Variants in AXDND1 observed in about 807,000 individuals in gnomAD.
The protein encoded by AXDND1 is axonemal dynein light chain domain-containing protein 1.
In AXDND1, 110 loss-of-function variants were observed where a neutral mutation model predicts 137.5. That is an observed-to-expected ratio of 0.80 (90% CI 0.69 to 0.94). The LOEUF (loss-of-function observed/expected upper bound fraction) is 0.94, where lower values mean the gene tolerates loss of function less well. AXDND1 is among the 40% of genes least tolerant of loss of function. The pLI is 0.00. For missense variants in AXDND1, 1,191 were observed against 1,169.8 expected, an observed-to-expected ratio of 1.02 and a Z score of -0.26; for synonymous variants, 414 against 399.7, an observed-to-expected ratio of 1.04 and a Z score of -0.43.
chr1:179,371,826 A>G (rs141656415), intron 4 of AXDND1, among the ~76,000 whole-genome samples: 50 of 152,340 alleles, frequency 3.3e-4, no homozygotes, highest in Middle Eastern at 6.8e-3. Flanking sequence ...TTTGGCTACT[A>G]GAAGTTAGGA....
intron 12 of AXDND1, among the ~76,000 whole-genome samples, chr1:179,413,481 A>G (rs966015168): frequency 5.3e-5 from 8 of 152,220 alleles, no homozygotes; most frequent in Non-Finnish European, 1.2e-4. Context: ...TCCCACTTAC[A>G]AGTGAGAACA....
At chr1:179,543,718 G>T (rs1255293839) in intron 25 of AXDND1, 2 of 152,112 alleles carry the variant, frequency 1.3e-5, no homozygotes, top group African/African-American at 4.8e-5. Context: ...CCTGCCCCAG[G>T]ACCCAGAACT....
chr1:179,516,287 A>C (rs1033104806), intron 21 of AXDND1, among the ~76,000 whole-genome samples: 2 of 152,066 alleles, frequency 1.3e-5, no homozygotes, highest in Non-Finnish European at 2.9e-5. Flanking sequence ...AAGTGTGCCC[A>C]ATTTCCCTGA....
intron 12 of AXDND1, among the ~76,000 whole-genome samples, chr1:179,415,528 G>A (rs138799133): frequency 5.3e-4 from 80 of 152,226 alleles, no homozygotes; most frequent in African/African-American, 1.7e-3. Context: ...CAATTAAAGT[G>A]TACAATTATA....
At chr1:179,489,015 G>C (rs2125568605) in intron 18 of AXDND1, among the ~76,000 whole-genome samples, 1 of 147,574 alleles carries the variant, frequency 6.8e-6, no homozygotes, top group Non-Finnish European at 1.5e-5. Flanking sequence ...TTACAGGTGT[G>C]AGCTACCACA....
chr1:179,501,862 T>G (rs1042908250), intron 20 of AXDND1, among the ~76,000 whole-genome samples: 1 of 152,116 alleles, frequency 6.6e-6, no homozygotes, highest in Non-Finnish European at 1.5e-5. Flanking sequence ...ATTATAAAGC[T>G]TTTAGAAGAC....
In AXDND1 at chr1:179,411,227, AGATATC is replaced by A; in HGVS notation, c.1192_1197del (p.Asp398_Ile399del). 1 of 1,613,244 alleles carries A rather than the reference AGATATC, an allele frequency of 6.2e-7. No homozygotes were observed. The highest frequency in any genetic ancestry group is 1.1e-5 in the South Asian group (1 of 90,892). ...ATATGAAAAAGTTAGTGGCAGAAAGAGATATCTGGAGCTCAGCCACATATGAATTGG... is the reference window on the plus strand; with the variant it reads ...ATATGAAAAAGTTAGTGGCAGAAAGATGGAGCTCAGCCACATATGAATTGG... On this transcript the variant is annotated inframe_deletion, in exon 12 of 26. Transcript: ENST00000367618.
At chr1:179,530,273 C>T (rs1478622488) in intron 23 of AXDND1, among the ~76,000 whole-genome samples, 2 of 152,174 alleles carry the variant, frequency 1.3e-5, no homozygotes, top group Non-Finnish European at 2.9e-5. Context: ...TCATGATCCG[C>T]CTGCTTCGGC....
chr1:179,515,170 T>G (rs1264018915), intron 21 of AXDND1, among the ~76,000 whole-genome samples: 1 of 152,186 alleles, frequency 6.6e-6, no homozygotes, highest in Non-Finnish European at 1.5e-5. Flanking sequence ...TTTTTTTGTT[T>G]TATAAGTCCT....
At chr1:179,475,076 A>T (rs1664442373) in intron 17 of AXDND1, among the ~76,000 whole-genome samples, 1 of 152,208 alleles carries the variant, frequency 6.6e-6, no homozygotes, top group Non-Finnish European at 1.5e-5. Flanking sequence ...TCAAGAATTG[A>T]GGTTTGGGAA....
At chr1:179,514,168 C>T (rs140418218) in intron 21 of AXDND1, among the ~76,000 whole-genome samples, 117 of 152,034 alleles carry the variant, frequency 7.7e-4, no homozygotes, top group South Asian at 1.2e-3. Context: ...CTTAGAATGT[C>T]GGTTTGTATT....
chr1:179,447,624 A>C, intron 16 of AXDND1: 1 of 1,254,360 alleles, frequency 8.0e-7, no homozygotes, highest in South Asian at 1.4e-5. Context: ...CCTTGCTTGA[A>C]GCGGGGATGA....
intron 20 of AXDND1, among the ~76,000 whole-genome samples, chr1:179,501,692 A>G (rs577549539): frequency 1.3e-5 from 2 of 152,310 alleles, no homozygotes; most frequent in African/African-American, 4.8e-5. Flanking sequence ...CCTGGGCGAC[A>G]GAGTGAGACT....
chr1:179,429,989 A>G (rs1056465775), intron 13 of AXDND1, among the ~76,000 whole-genome samples: 3 of 150,028 alleles, frequency 2.0e-5, no homozygotes, highest in Admixed American at 1.3e-4. Context: ...GCATGTTTCT[A>G]CTGAGTCAAA....
intron 15 of AXDND1, among the ~76,000 whole-genome samples, chr1:179,442,621 C>G (rs1164521208): frequency 1.3e-5 from 2 of 152,072 alleles, no homozygotes; most frequent in Admixed American, 1.3e-4. Context: ...TCCATGTTAC[C>G]CTGATTCAGA....
At position 179,476,470 on chromosome 1, in the gene AXDND1, A is replaced by G. The variant is rs555087957; in HGVS notation, c.1998-6658A>G. On this transcript the variant is annotated intron_variant, in intron 17 of 25. Transcript: ENST00000367618. The stretch of plus-strand genomic sequence containing the variant: ...TGCCTTGTTTTTTGTGTAGATTCTA[A>G]TTACCATCTGTGGTCATTGCTTTCA... Among the ~76,000 whole-genome samples the G allele has an allele frequency of 3.3e-5, 5 of 151,730 alleles. No individual in the cohort carries two copies. The East Asian group carries it at 7.8e-4, about 24-fold the overall frequency.
intron 14 of AXDND1, 121 bp from the exon 15 acceptor site, chr1:179,432,146 A>C: frequency 7.9e-7 from 1 of 1,262,272 alleles, no homozygotes. Flanking sequence ...TGGACCTGGA[A>C]GGCATGCTTC....
chr1:179,508,656 C>T (rs1232430150), intron 20 of AXDND1, among the ~76,000 whole-genome samples: 2 of 151,990 alleles, frequency 1.3e-5, no homozygotes, highest in African/African-American at 2.4e-5. Flanking sequence ...AAAAGGTGAG[C>T]ACCTTTTCCA....
intron 11 of AXDND1, among the ~76,000 whole-genome samples, chr1:179,407,852 C>T (rs1653220223): frequency 1.3e-5 from 2 of 152,072 alleles, no homozygotes; most frequent in Admixed American, 1.3e-4. Context: ...GTGTCTTTGT[C>T]CATCTCTTCT....
Sources: gnomAD v4.1 joint callset for allele counts (sites outside exome capture counted in the v4.1 genomes callset) on GRCh38, gnomAD v4.1.1 for gene constraint, MANE v1.5 for transcripts, NCBI Gene and HGNC (gene_info 2026-07-23, HGNC 2026-07-21) for gene names.